GPC5: variants seen among roughly 807,000 people sequenced by gnomAD.
GPC5 encodes the protein glypican 5, also known as glypican-5.
Under a neutral mutation model 53.9 loss-of-function variants are expected in GPC5, and 47 were observed. The observed-to-expected ratio is 0.87, with a 90% CI of 0.69 to 1.11. The LOEUF is 1.11. Among genes scored for constraint, GPC5 ranks in the 50% most tolerant of loss-of-function variants. The probability of loss-of-function intolerance (pLI) is 0.00; values close to 1 mark genes in which losing one functional copy is unlikely to be tolerated. For missense variants in GPC5, 748 were observed against 713.1 expected, an observed-to-expected ratio of 1.05 and a Z score of -0.56; for synonymous variants, 286 against 263.3, an observed-to-expected ratio of 1.09 and a Z score of -0.84.
At chr13:91,454,181 A>G (rs773123006) in intron 2 of GPC5, among the ~76,000 whole-genome samples, 30 of 152,104 alleles carry the variant, frequency 2.0e-4, no homozygotes, top group Non-Finnish European at 4.3e-4. Context: ...ACAGGCTTAT[A>G]TTAATTATGA....
chr13:92,113,556 G>A (rs2041575050), intron 6 of GPC5, among the ~76,000 whole-genome samples: 1 of 152,092 alleles, frequency 6.6e-6, no homozygotes, highest in Admixed American at 6.5e-5. Context: ...TTAATATAGG[G>A]TAATAGATTT....
intron 5 of GPC5, among the ~76,000 whole-genome samples, chr13:91,822,356 G>T (rs1157708520): frequency 1.3e-5 from 2 of 152,124 alleles, no homozygotes; most frequent in Non-Finnish European, 1.5e-5. Flanking sequence ...ACTTTCATTT[G>T]CTGCACTTTT....
At chr13:92,855,280 T>C (rs778244049) in intron 7 of GPC5, among the ~76,000 whole-genome samples, 10 of 152,070 alleles carry the variant, frequency 6.6e-5, no homozygotes, top group African/African-American at 9.7e-5. Context: ...GGATTAGGAA[T>C]GTATACATCC....
At chr13:92,717,363 T>C (rs1888367181) in intron 7 of GPC5, among the ~76,000 whole-genome samples, 1 of 152,150 alleles carries the variant, frequency 6.6e-6, no homozygotes, top group Non-Finnish European at 1.5e-5. Context: ...CCGCCAGACA[T>C]ATACCATGAA....
chr13:92,728,147 C>T (rs1888695095), intron 7 of GPC5, among the ~76,000 whole-genome samples: 1 of 151,472 alleles, frequency 6.6e-6, no homozygotes, highest in African/African-American at 2.4e-5. Flanking sequence ...TAGCTTGTCT[C>T]TCAATGCATT....
intron 5 of GPC5, among the ~76,000 whole-genome samples, chr13:91,767,446 C>A (rs1302178266): frequency 6.6e-6 from 1 of 152,166 alleles, no homozygotes; most frequent in Non-Finnish European, 1.5e-5. Context: ...ACTGGTTAGT[C>A]TTAGAGCTGA....
At chr13:92,257,046 G>A (rs370837743) in intron 7 of GPC5, among the ~76,000 whole-genome samples, 3,133 of 140,678 alleles carry the variant, frequency 0.022, 93 homozygotes, top group African/African-American at 0.096. Flanking sequence ...AAATAGTCAT[G>A]CAGTATTTGT....
intron 7 of GPC5, among the ~76,000 whole-genome samples, chr13:92,485,105 G>A (rs2139437684): frequency 6.6e-6 from 1 of 152,264 alleles, no homozygotes; most frequent in Non-Finnish European, 1.5e-5. Flanking sequence ...ATATTTAAAG[G>A]TTAGAGGGAT....
chr13:91,685,943 C>T (rs200695159), intron 2 of GPC5, among the ~76,000 whole-genome samples: 1 of 145,170 alleles, frequency 6.9e-6, no homozygotes, highest in Non-Finnish European at 1.5e-5. Flanking sequence ...AAAAAAAAAA[C>T]AAAGAAAAAG....
chr13:91,971,710 C>G (rs558383937), intron 6 of GPC5, among the ~76,000 whole-genome samples: 1 of 152,288 alleles, frequency 6.6e-6, no homozygotes, highest in Admixed American at 6.5e-5. Context: ...TTTCTGCCTT[C>G]ATTTCGTTAT....
chr13:91,427,417 C>G (rs538054158), intron 1 of GPC5, among the ~76,000 whole-genome samples: 12 of 152,296 alleles, frequency 7.9e-5, no homozygotes, highest in African/African-American at 2.9e-4. Flanking sequence ...CAAATGAGAT[C>G]TTTTTGGAGT....
chr13:92,077,129 G>C (rs1376222147), intron 6 of GPC5, among the ~76,000 whole-genome samples: 3 of 152,052 alleles, frequency 2.0e-5, no homozygotes, highest in African/African-American at 7.2e-5. Flanking sequence ...CCAAACCAAT[G>C]TATTTCTTAA....
intron 2 of GPC5, among the ~76,000 whole-genome samples, chr13:91,587,659 C>T (rs2032648661): frequency 6.6e-6 from 1 of 152,112 alleles, no homozygotes; most frequent in African/African-American, 2.4e-5. Flanking sequence ...AATCATATTA[C>T]ATTTATGTTT....
In GPC5 at chr13:91,398,933, C is replaced by T. The variant is rs1451122576; in HGVS notation, c.-114C>T. The T allele has an allele frequency of 3.7e-6, 5 of 1,366,034 alleles. No homozygotes were observed. The highest frequency in any genetic ancestry group is 4.8e-6 in the Non-Finnish European group (5 of 1,032,290). The allele number at this position is 1,366,034 out of a possible 1,614,324, so 84.6% of individuals were successfully genotyped here. ...GCGGGCGGTCCGTACACCCCGCAGC[C>T]GGCTCGCACCGCTCGAGAGCCTCGG... On this transcript the variant is annotated 5_prime_UTR_variant, in exon 1 of 8. Coordinates refer to ENST00000377067, the MANE Select transcript of GPC5 (RefSeq NM_004466.6).
intron 6 of GPC5, among the ~76,000 whole-genome samples, chr13:91,951,399 A>G (rs7317224): frequency 0.98 from 149,197 of 152,250 alleles, 73,119 homozygotes; most frequent in East Asian, 1. Flanking sequence ...GAGAAAGCAG[A>G]AAGAACTGTT....
chr13:91,896,384 G>A (rs2039442548), intron 5 of GPC5, among the ~76,000 whole-genome samples: 1 of 152,114 alleles, frequency 6.6e-6, no homozygotes, highest in African/African-American at 2.4e-5. Context: ...CTCCCAAAGT[G>A]TTGGGATTAC....
intron 5 of GPC5, 124 bp downstream of exon 5, chr13:91,756,544 T>C (rs1028512401): frequency 5.0e-6 from 4 of 800,578 alleles, no homozygotes; most frequent in African/African-American, 1.7e-5. Context: ...TAAATACTTA[T>C]CTTTAGTTTG....
intron 6 of GPC5, among the ~76,000 whole-genome samples, chr13:92,039,003 G>T (rs1463452967): frequency 6.6e-6 from 1 of 152,192 alleles, no homozygotes; most frequent in South Asian, 2.1e-4. Flanking sequence ...GTGAAATCTT[G>T]CTGGTAATTC....
At chr13:91,502,301 T>C (rs1325723723) in intron 2 of GPC5, among the ~76,000 whole-genome samples, 1 of 152,194 alleles carries the variant, frequency 6.6e-6, no homozygotes. Flanking sequence ...TTTGGTGTTT[T>C]AGACATGAAG....
Sources: allele counts gnomAD v4.1 joint callset (sites outside exome capture counted in the v4.1 genomes callset), GRCh38; gene constraint gnomAD v4.1.1; transcripts MANE v1.5; gene names NCBI Gene and HGNC (gene_info 2026-07-23, HGNC 2026-07-21).